Variants in MDGA2 observed in about 807,000 individuals in gnomAD.
The protein encoded by MDGA2 is MAM domain containing glycosylphosphatidylinositol anchor 2, also known as MAM domain-containing glycosylphosphatidylinositol anchor protein 2.
MDGA2 carries 40 observed loss-of-function variants against 117.8 expected under a neutral mutation model. The ratio of observed to expected loss-of-function variants is 0.34; its 90% confidence interval spans 0.26 to 0.44. MDGA2 has a LOEUF of 0.44. MDGA2 is among the 20% of genes least tolerant of loss of function. MDGA2 has a pLI of 1.00. For synonymous variants in MDGA2, 452 were observed against 439.0 expected, an observed-to-expected ratio of 1.03 and a Z score of -0.37; for missense variants, 1,123 against 1,250.6, an observed-to-expected ratio of 0.90 and a Z score of 1.54.
chr14:46,888,597 A>T (rs1882756626), intron 10 of MDGA2, among the ~76,000 whole-genome samples: 1 of 151,944 alleles, frequency 6.6e-6, no homozygotes, highest in South Asian at 2.1e-4. Context: ...TCAGGAGGAA[A>T]AAACATGTTA....
At chr14:46,867,557 A>G (rs925242133) in intron 14 of MDGA2, among the ~76,000 whole-genome samples, 2 of 150,794 alleles carry the variant, frequency 1.3e-5, no homozygotes, top group Admixed American at 6.6e-5. Flanking sequence ...ATAAAAAAAG[A>G]GAAACTTAAT....
intron 1 of MDGA2, among the ~76,000 whole-genome samples, chr14:47,510,676 GA>G (rs2138692456): frequency 6.6e-6 from 1 of 152,266 alleles, no homozygotes; most frequent in South Asian, 2.1e-4. Flanking sequence ...GGATAAATGG[GA>G]AGCCTTCCAG....
chr14:47,468,738 T>C (rs1021965152), intron 1 of MDGA2, among the ~76,000 whole-genome samples: 1 of 152,220 alleles, frequency 6.6e-6, no homozygotes, highest in East Asian at 1.9e-4. Context: ...TTTTAAAGTA[T>C]ATTTTAGTTA....
At chr14:47,028,674 G>A (rs1356926190) in intron 8 of MDGA2, among the ~76,000 whole-genome samples, 1 of 152,124 alleles carries the variant, frequency 6.6e-6, no homozygotes, top group Non-Finnish European at 1.5e-5. Flanking sequence ...AAGATTGGAA[G>A]AATTGTTATA....
rs542418943 is a variant in MDGA2, at chr14:47,672,799, C to A, written c.280+1718G>T. The stretch of plus-strand genomic sequence containing the variant: ...CTTTATCTCCAGCATTCCTACATCG[C>A]TAGAATCCCCGTTTTTCTCAGCTGT... On this transcript the variant is annotated intron_variant, in intron 1 of 16. Coordinates refer to ENST00000399232, the MANE Select transcript of MDGA2 (RefSeq NM_001113498.3). Among the ~76,000 whole-genome samples, 62 of 152,292 alleles carry A rather than the reference C, an allele frequency of 4.1e-4. No individual in the cohort carries two copies. In the South Asian group the frequency reaches 0.012, roughly 31 times the overall value.
At chr14:47,528,903 A>G (rs533849103) in intron 1 of MDGA2, among the ~76,000 whole-genome samples, 1 of 152,172 alleles carries the variant, frequency 6.6e-6, no homozygotes, top group Admixed American at 6.5e-5. Context: ...TCTCAGGTAC[A>G]AACTATATAT....
intron 8 of MDGA2, among the ~76,000 whole-genome samples, chr14:46,965,310 T>C (rs1430809547): frequency 1.5e-5 from 2 of 136,694 alleles, no homozygotes; most frequent in Non-Finnish European, 3.1e-5. Flanking sequence ...GGGGTTTTTC[T>C]AGACTCTCTC....
At chr14:47,500,448 G>A (rs191137064) in intron 1 of MDGA2, among the ~76,000 whole-genome samples, 3 of 152,164 alleles carry the variant, frequency 2.0e-5, no homozygotes, top group Non-Finnish European at 4.4e-5. Flanking sequence ...AATCTGAAAT[G>A]AAATTTCATT....
chr14:47,313,430 G>T (rs889079279), intron 1 of MDGA2, among the ~76,000 whole-genome samples: 2 of 152,114 alleles, frequency 1.3e-5, no homozygotes, highest in African/African-American at 2.4e-5. Context: ...AAGCCACTAT[G>T]ACTGGCTAAT....
intron 9 of MDGA2, among the ~76,000 whole-genome samples, chr14:46,926,699 G>T (rs1271502084): frequency 2.8e-4 from 42 of 151,934 alleles, no homozygotes; most frequent in Non-Finnish European, 1.5e-5. Context: ...GAAAAGAAGA[G>T]AGAAAAAAAT....
intron 8 of MDGA2, among the ~76,000 whole-genome samples, chr14:46,966,080 G>GGAT (rs112888096): frequency 0.12 from 17,847 of 151,204 alleles, 1,992 homozygotes; most frequent in African/African-American, 0.27. Flanking sequence ...GTATACTGAA[G>GGAT]GATGATTATA....
chr14:47,373,215 A>T (rs1283762262), intron 1 of MDGA2, among the ~76,000 whole-genome samples: 1 of 152,064 alleles, frequency 6.6e-6, no homozygotes, highest in Non-Finnish European at 1.5e-5. Flanking sequence ...TAAATATAGC[A>T]ACACTAATTC....
At chr14:47,442,436 A>C (rs898654215) in intron 1 of MDGA2, among the ~76,000 whole-genome samples, 10 of 152,112 alleles carry the variant, frequency 6.6e-5, no homozygotes, top group Admixed American at 6.6e-4. Flanking sequence ...TCAGGGATGC[A>C]CATGACCTGG....
intron 6 of MDGA2, among the ~76,000 whole-genome samples, chr14:47,093,585 C>T (rs1202408116): frequency 2.0e-5 from 3 of 152,054 alleles, no homozygotes; most frequent in African/African-American, 7.2e-5. Flanking sequence ...AGCTCAGACA[C>T]TGCAATTTCT....
Position 47,042,323 on chromosome 14 carries a change from T to TGTGTG in MDGA2, c.1526-7020_1526-7019insCACAC, listed in dbSNP as rs1889103341. On this transcript the variant is annotated intron_variant, in intron 7 of 16. Coordinates refer to ENST00000399232, the MANE Select transcript of MDGA2 (RefSeq NM_001113498.3). ...TGAACCAAATCTATGTTTTTTTTTT[T>TGTGTG]TTTTTGTGTGTGTGTGTGTGTGTAT... Among the ~76,000 whole-genome samples, 12 of 132,508 alleles carry TGTGTG rather than the reference T, an allele frequency of 9.1e-5. No individual in the cohort carries two copies. In the Admixed American group the frequency reaches 9.5e-4, roughly 10 times the overall value. The allele number at this position is 132,508 out of a possible 152,430, so 86.9% of individuals were successfully genotyped here. A position where few individuals can be genotyped will look rare whatever the true frequency, so the allele number is the denominator to read the frequency against.
At chr14:47,274,771 G>C (rs927566784) in intron 2 of MDGA2, among the ~76,000 whole-genome samples, 2 of 152,082 alleles carry the variant, frequency 1.3e-5, no homozygotes, top group African/African-American at 4.8e-5. Context: ...TGAATATAAA[G>C]TGGTGTCTCC....
At chr14:47,587,150 G>A (rs868753465) in intron 1 of MDGA2, among the ~76,000 whole-genome samples, 2 of 151,768 alleles carry the variant, frequency 1.3e-5, no homozygotes, top group African/African-American at 4.8e-5. Flanking sequence ...AATACGCTGG[G>A]GCCTATCAGA....
Position 46,989,301 on chromosome 14 carries a change from C to G in MDGA2, c.1820-31658G>C, listed in dbSNP as rs921888579. 3.3e-5 allele frequency among the ~76,000 whole-genome samples: 5 copies of G among 150,306 alleles called. No homozygotes were observed. The East Asian group carries it at 9.7e-4, about 29-fold the overall frequency. On this transcript the variant is annotated intron_variant, in intron 8 of 16. Coordinates refer to ENST00000399232, the MANE Select transcript of MDGA2 (RefSeq NM_001113498.3). ...AAAATGGAACTCCCCCCACACATAT[C>G]AGAAAAGGATAGCTGCACTGGAAAA... is the stretch of plus-strand genomic sequence containing the variant.
intron 6 of MDGA2, among the ~76,000 whole-genome samples, chr14:47,071,735 G>A (rs553024444): frequency 2.0e-4 from 30 of 152,118 alleles, no homozygotes; most frequent in Non-Finnish European, 2.9e-4. Context: ...TATCTGGGAC[G>A]TAAAAATACT....
Sources: allele counts gnomAD v4.1 joint callset (sites outside exome capture counted in the v4.1 genomes callset), GRCh38; gene constraint gnomAD v4.1.1; transcripts MANE v1.5; gene names NCBI Gene and HGNC (gene_info 2026-07-23, HGNC 2026-07-21).